The following NIBAN1 variants were observed in gnomAD, a reference collection of about 807,000 sequenced individuals.
NIBAN1 encodes the protein protein Niban 1.
NIBAN1 carries 81 observed loss-of-function variants against 75.1 expected under a neutral mutation model. The observed-to-expected ratio is 1.08, with a 90% CI of 0.90 to 1.30. NIBAN1 has a LOEUF of 1.30. NIBAN1 is among the 50% of genes most tolerant of loss of function. The pLI is 0.00. For missense variants in NIBAN1, 1,133 were observed against 1,128.1 expected (o/e 1.00, Z -0.06); for synonymous variants, 436 against 424.8 (o/e 1.03, Z -0.32).
At chr1:184,902,270 A>G (rs530007162) in intron 1 of NIBAN1, among the ~76,000 whole-genome samples, 1 of 152,224 alleles carries the variant, frequency 6.6e-6, no homozygotes, top group Admixed American at 6.5e-5. Flanking sequence ...GGAGCAAAAT[A>G]CCACTGTGGT....
At chr1:184,872,011 GA>G (rs1477860950) in intron 5 of NIBAN1, among the ~76,000 whole-genome samples, 1 of 152,020 alleles carries the variant, frequency 6.6e-6, no homozygotes, top group East Asian at 1.9e-4. Flanking sequence ...TGGCTTCAGT[GA>G]AATATGAACT....
chr1:184,852,676 G>T (rs183246067), intron 5 of NIBAN1, among the ~76,000 whole-genome samples: 2 of 152,182 alleles, frequency 1.3e-5, no homozygotes, highest in Non-Finnish European at 1.5e-5. Flanking sequence ...CAGTTGTATT[G>T]ACATTTGGTT....
In NIBAN1 at chr1:184,795,814, A is replaced by T. The variant is rs755879209; in HGVS notation, c.1950T>A (p.Asp650Glu). The T allele has an allele frequency of 1.9e-6, 3 of 1,609,912 alleles. No individual in the cohort carries two copies. The African/African-American group carries it at 4.0e-5, about 22-fold the overall frequency. Reference protein sequence around the residue: ...LSLPGPSPPPDGTEQVIISRV... With the variant: ...LSLPGPSPPPEGTEQVIISRV... ...TTGAAATAATCACCTGCTCAGTCCC[A>T]TCTGGGGGTGGGCTTGGCCCAGGGA... The change falls in exon 14 of 14, where the codon GAT becomes GAA. Residue 650 changes from aspartate (D) to glutamate (E), a missense_variant. Physicochemically the swap from Asp to Glu is conservative, Grantham distance 45. Coordinates refer to ENST00000367511, the MANE Select transcript of NIBAN1 (RefSeq NM_052966.4).
chr1:184,959,552 G>T (rs1324775593), intron 1 of NIBAN1, among the ~76,000 whole-genome samples: 1 of 152,062 alleles, frequency 6.6e-6, no homozygotes, highest in Non-Finnish European at 1.5e-5. Flanking sequence ...TCTGCCTACT[G>T]TGATAGTTTT....
intron 5 of NIBAN1, among the ~76,000 whole-genome samples, chr1:184,837,735 G>A (rs972866677): frequency 1.3e-5 from 2 of 151,864 alleles, no homozygotes; most frequent in Non-Finnish European, 2.9e-5. Flanking sequence ...TCCTTCTATT[G>A]AGCCAAAGTC....
In NIBAN1 at chr1:184,833,822, T is replaced by C. The variant is rs183069589; in HGVS notation, c.602-1860A>G. ...TAAATTAAATTTTGAAAAAAGAGCA[T>C]GTTTCAAGAATCAAGGTTTTTTGAA... On this transcript the variant is annotated intron_variant, in intron 5 of 13. Coordinates refer to ENST00000367511, the MANE Select transcript of NIBAN1 (RefSeq NM_052966.4). Among the ~76,000 whole-genome samples the C allele has an allele frequency of 2.3e-3, 355 of 152,032 alleles. 2 individuals carry two copies. Among genetic ancestry groups the C allele is most frequent in the Admixed American group, 5.5e-3 (84 of 15,274 alleles).
chr1:184,815,836 G>T (rs55637494), intron 9 of NIBAN1, among the ~76,000 whole-genome samples: 1 of 152,096 alleles, frequency 6.6e-6, no homozygotes, highest in Non-Finnish European at 1.5e-5. Context: ...CTTCTAGAAG[G>T]ACATCATTTG....
Position 184,823,658 on chromosome 1 carries a change from T to G in NIBAN1, c.802A>C (p.Arg268=). The part of the protein sequence containing the change: ...LPKMKGKKND[R]KRTWLGLLEE... ...CTTACACCAAGCCACGTCCTCTTTC[T>G]GTCATTCTTCTTCCCCTTCATCTTA... Residue 268 remains arginine (R), a synonymous_variant, in exon 7 of 14, where the codon AGA becomes CGA. Coordinates refer to ENST00000367511, the MANE Select transcript of NIBAN1 (RefSeq NM_052966.4). The G allele has an allele frequency of 6.2e-7, 1 of 1,614,200 alleles. No individual in the cohort carries two copies. The highest frequency in any genetic ancestry group is 1.1e-5 in the South Asian group (1 of 91,084).
At chr1:184,927,950 C>T (rs1657722878) in intron 1 of NIBAN1, among the ~76,000 whole-genome samples, 1 of 151,924 alleles carries the variant, frequency 6.6e-6, no homozygotes, top group Non-Finnish European at 1.5e-5. Flanking sequence ...TGGGAATGTA[C>T]TGGGTCTCAC....
rs982357008 is a variant in NIBAN1, at chr1:184,819,382, T to C, written c.986-557A>G. Among the ~76,000 whole-genome samples the C allele has an allele frequency of 2.0e-5, 3 of 151,840 alleles. No homozygotes were observed. The South Asian group carries it at 6.2e-4, about 31-fold the overall frequency. On this transcript the variant is annotated intron_variant, in intron 8 of 13. Coordinates refer to ENST00000367511, the MANE Select transcript of NIBAN1 (RefSeq NM_052966.4). ...CTGATTAAAACAAGACAAAACAAAA[T>C]CACAATAGGTTTTTCTGACCAAGAT... is the stretch of plus-strand genomic sequence containing the variant.
chr1:184,852,677 A>G (rs1330238693), intron 5 of NIBAN1, among the ~76,000 whole-genome samples: 2 of 152,326 alleles, frequency 1.3e-5, no homozygotes, highest in East Asian at 1.9e-4. Flanking sequence ...AGTTGTATTG[A>G]CATTTGGTTG....
intron 8 of NIBAN1, 34 bp from the exon 9 acceptor site, chr1:184,818,859 A>T: frequency 6.5e-7 from 1 of 1,548,772 alleles, no homozygotes; most frequent in South Asian, 1.2e-5. Context: ...ACCGTGACAT[A>T]TGGCAAAACT....
chr1:184,803,136 G>C (rs1051741959), intron 12 of NIBAN1, among the ~76,000 whole-genome samples: 1 of 152,188 alleles, frequency 6.6e-6, no homozygotes, highest in Non-Finnish European at 1.5e-5. Flanking sequence ...CAAATATCCT[G>C]TAATTATGTT....
intron 12 of NIBAN1, among the ~76,000 whole-genome samples, chr1:184,801,511 C>T (rs951010294): frequency 4.6e-5 from 7 of 152,178 alleles, no homozygotes; most frequent in African/African-American, 1.7e-4. Flanking sequence ...CCCTTTCATC[C>T]TTCCCACGTG....
chr1:184,875,557 A>G (rs1305900587), intron 5 of NIBAN1, among the ~76,000 whole-genome samples: 1 of 152,220 alleles, frequency 6.6e-6, no homozygotes, highest in Non-Finnish European at 1.5e-5. Context: ...TCAGGCAGAA[A>G]TGATTCTTTT....
chr1:184,803,768 C>T, intron 11 of NIBAN1, 76 bp from the exon 12 acceptor site: 1 of 1,207,896 alleles, frequency 8.3e-7, no homozygotes, highest in South Asian at 1.3e-5. Flanking sequence ...AACTCAGCCA[C>T]CCACTTCACC....
intron 1 of NIBAN1, among the ~76,000 whole-genome samples, chr1:184,941,525 T>G (rs946310076): frequency 2.6e-5 from 4 of 151,902 alleles, no homozygotes; most frequent in African/African-American, 9.7e-5. Flanking sequence ...TGGCACCTGC[T>G]TGTAGTCCCA....
At position 184,823,347 on chromosome 1, in the gene NIBAN1, A is replaced by C. The variant is rs1157140830; in HGVS notation, c.823-18T>G. 10 of 1,613,442 alleles carry C rather than the reference A, an allele frequency of 6.2e-6. No individual in the cohort carries two copies. The highest frequency in any genetic ancestry group is 1.6e-4 in the Middle Eastern group (1 of 6,082). On this transcript the variant is annotated intron_variant, in intron 7 of 13. Coordinates refer to ENST00000367511, the MANE Select transcript of NIBAN1 (RefSeq NM_052966.4). ...TCGAGGAGCTGCAACAAGGAATAAC[A>C]CATAAATCAGGGCTCTGTCACGTGT...
At chr1:184,893,129 C>T (rs528421575) in intron 3 of NIBAN1, among the ~76,000 whole-genome samples, 14 of 152,194 alleles carry the variant, frequency 9.2e-5, no homozygotes, top group South Asian at 8.3e-4. Flanking sequence ...CTGTTACTGT[C>T]GTTCACTGAT....
Sources: gnomAD v4.1 joint callset for allele counts (sites outside exome capture counted in the v4.1 genomes callset) on GRCh38, gnomAD v4.1.1 for gene constraint, MANE v1.5 for transcripts, NCBI Gene and HGNC (gene_info 2026-07-23, HGNC 2026-07-21) for gene names.